Variants in NRG3 observed in about 807,000 individuals in gnomAD.
NRG3 encodes the protein pro-neuregulin-3, membrane-bound isoform.
NRG3 carries 31 observed loss-of-function variants against 66.9 expected under a neutral mutation model. That is an observed-to-expected ratio of 0.46 (90% confidence interval 0.35 to 0.63). NRG3 has a LOEUF of 0.63. Ranked by LOEUF, NRG3 falls within the 20% of genes least tolerant of loss-of-function variation. The pLI is 0.00. For synonymous variants in NRG3, 393 were observed against 359.4 expected (o/e 1.09, Z -1.06); for missense variants, 910 against 878.9 (o/e 1.04, Z -0.45).
Position 82,375,398 on chromosome 10 carries a change from G to A in NRG3, c.953+16530G>A, listed in dbSNP as rs553334526. Among the ~76,000 whole-genome samples the A allele has an allele frequency of 3.2e-4, 49 of 152,130 alleles. No individual in the cohort carries two copies. The South Asian group carries it at 4.8e-3, about 15-fold the overall frequency. ...TAAAAATACAAAAAATTAACCGGGC[G>A]TGGTGGCAGGTGCCTGTAGTCCCAG... On this transcript the variant is annotated intron_variant, in intron 2 of 8. Coordinates refer to ENST00000372141, the MANE Select transcript of NRG3 (RefSeq NM_001010848.4).
At chr10:82,527,877 A>G (rs1846869320) in intron 2 of NRG3, among the ~76,000 whole-genome samples, 1 of 151,250 alleles carries the variant, frequency 6.6e-6, no homozygotes, top group South Asian at 2.1e-4. Context: ...CAGTCTTATA[A>G]CAAATTGTCT....
intron 2 of NRG3, among the ~76,000 whole-genome samples, chr10:82,633,969 G>A (rs1208066573): frequency 6.6e-6 from 1 of 152,108 alleles, no homozygotes; most frequent in African/African-American, 2.4e-5. Context: ...GAATTTTCAG[G>A]CAGATTTTTA....
chr10:82,477,917 T>C (rs1564968385), intron 2 of NRG3, among the ~76,000 whole-genome samples: 1 of 152,164 alleles, frequency 6.6e-6, no homozygotes, highest in African/African-American at 2.4e-5. Context: ...TCTGAAACTA[T>C]GGTGAGGCCA....
At chr10:82,967,383 C>T (rs1305967037) in intron 6 of NRG3, among the ~76,000 whole-genome samples, 1 of 152,064 alleles carries the variant, frequency 6.6e-6, no homozygotes, top group Non-Finnish European at 1.5e-5. Flanking sequence ...CCTCCCGTTG[C>T]TTATTTATAA....
chr10:82,491,316 A>ATATATATATATATATACATATATATATAT (rs1389375279), intron 2 of NRG3, among the ~76,000 whole-genome samples: 4 of 136,806 alleles, frequency 2.9e-5, no homozygotes, highest in South Asian at 2.4e-4. Flanking sequence ...ATATATATAT[A>ATATATATATATATATACATATATATATAT]AAATAAAGAT....
intron 2 of NRG3, among the ~76,000 whole-genome samples, chr10:82,646,616 A>T (rs576060606): frequency 6.6e-6 from 1 of 152,318 alleles, no homozygotes; most frequent in South Asian, 2.1e-4. Context: ...GTTAAGACAG[A>T]TTTTATTCAT....
intron 1 of NRG3, among the ~76,000 whole-genome samples, chr10:82,242,938 G>GA (rs1221112082): frequency 6.6e-6 from 1 of 152,188 alleles, no homozygotes; most frequent in African/African-American, 2.4e-5. Context: ...CTTTTGAACA[G>GA]AAAGTGTTAA....
intron 2 of NRG3, among the ~76,000 whole-genome samples, chr10:82,618,245 G>A (rs1326955314): frequency 6.6e-6 from 1 of 152,180 alleles, no homozygotes; most frequent in East Asian, 1.9e-4. Context: ...GCCAGACAGT[G>A]CAAGCGACAA....
chr10:82,137,007 A>T (rs771774843), intron 1 of NRG3, among the ~76,000 whole-genome samples: 1 of 152,204 alleles, frequency 6.6e-6, no homozygotes, highest in Non-Finnish European at 1.5e-5. Flanking sequence ...ATATGATGTC[A>T]AAACAAGGTA....
At chr10:82,531,578 T>C (rs902768536) in intron 2 of NRG3, among the ~76,000 whole-genome samples, 3 of 151,870 alleles carry the variant, frequency 2.0e-5, no homozygotes, top group Non-Finnish European at 4.4e-5. Flanking sequence ...TGTGATACAT[T>C]ATTTTTGACA....
intron 1 of NRG3, among the ~76,000 whole-genome samples, chr10:82,170,299 A>C (rs2072466260): frequency 6.6e-6 from 1 of 152,036 alleles, no homozygotes; most frequent in Non-Finnish European, 1.5e-5. Flanking sequence ...CTCACAGAGT[A>C]CTACTGTCCA....
At chr10:82,297,164 T>G (rs535903690) in intron 1 of NRG3, among the ~76,000 whole-genome samples, 1 of 152,340 alleles carries the variant, frequency 6.6e-6, no homozygotes, top group African/African-American at 2.4e-5. Context: ...TACCACAGTT[T>G]CTTTATCCAT....
chr10:81,890,530 C>T (rs918632969), intron 1 of NRG3, among the ~76,000 whole-genome samples: 2 of 152,206 alleles, frequency 1.3e-5, no homozygotes, highest in African/African-American at 4.8e-5. Flanking sequence ...TGTTTGCACT[C>T]TCTTGCTCAT....
At chr10:81,981,628 A>AGAC (rs2060335663) in intron 1 of NRG3, among the ~76,000 whole-genome samples, 1 of 152,202 alleles carries the variant, frequency 6.6e-6, no homozygotes, top group Non-Finnish European at 1.5e-5. Context: ...ATCAAGAAAG[A>AGAC]GACAGCCTTG....
At chr10:82,618,790 T>C (rs2048837910) in intron 2 of NRG3, among the ~76,000 whole-genome samples, 1 of 152,082 alleles carries the variant, frequency 6.6e-6, no homozygotes, top group Non-Finnish European at 1.5e-5. Flanking sequence ...AATTATATAA[T>C]GATAGTATGA....
At chr10:82,394,578 C>T (rs1414674226) in intron 2 of NRG3, among the ~76,000 whole-genome samples, 1 of 152,170 alleles carries the variant, frequency 6.6e-6, no homozygotes, top group Non-Finnish European at 1.5e-5. Context: ...AGCAACAGAG[C>T]TTCTGAAATG....
chr10:82,015,768 A>G (rs1414717683), intron 1 of NRG3, among the ~76,000 whole-genome samples: 1 of 151,924 alleles, frequency 6.6e-6, no homozygotes, highest in African/African-American at 2.4e-5. Context: ...TTTACTAGTT[A>G]TAAGGCTAGT....
intron 2 of NRG3, among the ~76,000 whole-genome samples, chr10:82,513,883 C>A (rs182987863): frequency 1.3e-5 from 2 of 152,252 alleles, no homozygotes; most frequent in Non-Finnish European, 2.9e-5. Context: ...TTCTGACTGG[C>A]ATGAGATGAG....
At chr10:82,772,787 C>T (rs1056148048) in intron 3 of NRG3, among the ~76,000 whole-genome samples, 6 of 147,696 alleles carry the variant, frequency 4.1e-5, no homozygotes, top group African/African-American at 1.5e-4. Context: ...TTCATTGCAG[C>T]CTCGACCTCC....
Sources: allele counts gnomAD v4.1 joint callset (sites outside exome capture counted in the v4.1 genomes callset), GRCh38; gene constraint gnomAD v4.1.1; transcripts MANE v1.5; gene names NCBI Gene and HGNC (gene_info 2026-07-23, HGNC 2026-07-21).